The following FRAS1 variants were observed in gnomAD, a reference collection of about 807,000 sequenced individuals.
The protein encoded by FRAS1 is Fraser extracellular matrix complex subunit 1, also known as extracellular matrix organizing protein FRAS1.
Under a neutral mutation model 435.2 loss-of-function variants are expected in FRAS1, and 290 were observed. The observed-to-expected ratio is 0.67, with a 90% CI of 0.61 to 0.73. FRAS1 has a LOEUF of 0.73. FRAS1 is among the 30% of genes least tolerant of loss of function. The probability of loss-of-function intolerance (pLI) is 0.00; values close to 1 mark genes in which losing one functional copy is unlikely to be tolerated. For missense variants in FRAS1, 4,860 were observed against 5,001.5 expected (o/e 0.97, Z 0.85); for synonymous variants, 1,800 against 1,851.0 (o/e 0.97, Z 0.71).
chr4:78,101,082 A>T (rs1230780302), intron 2 of FRAS1, among the ~76,000 whole-genome samples: 1 of 151,750 alleles, frequency 6.6e-6, no homozygotes, highest in Non-Finnish European at 1.5e-5. Context: ...ACATGTATAC[A>T]CACCCCTTAA....
chr4:78,183,911 G>T (rs142934432), intron 2 of FRAS1, among the ~76,000 whole-genome samples: 10 of 152,228 alleles, frequency 6.6e-5, no homozygotes, highest in African/African-American at 1.9e-4. Context: ...TAGTGTTGGG[G>T]AAAGGGAAGT....
intron 20 of FRAS1, among the ~76,000 whole-genome samples, chr4:78,357,603 C>T (rs1730907283): frequency 6.6e-6 from 1 of 151,890 alleles, no homozygotes; most frequent in Admixed American, 6.6e-5. Context: ...TTCCAATGCA[C>T]ATTAAAGAAC....
intron 27 of FRAS1, among the ~76,000 whole-genome samples, 152 bp downstream of exon 27, chr4:78,380,148 G>A (rs1731957484): frequency 6.6e-6 from 1 of 152,182 alleles, no homozygotes; most frequent in South Asian, 2.1e-4. Context: ...TCAGCTGCCT[G>A]TCATCATTTC....
At chr4:78,319,689 A>G (rs1488577241) in intron 18 of FRAS1, 1 of 239,062 alleles carries the variant, frequency 4.2e-6, no homozygotes, top group Non-Finnish European at 8.5e-6. Flanking sequence ...TTGTTATAAT[A>G]TCTGAGTCTT....
chr4:78,152,599 G>T (rs1720713228), intron 2 of FRAS1, among the ~76,000 whole-genome samples: 2 of 125,976 alleles, frequency 1.6e-5, no homozygotes, highest in South Asian at 5.5e-4. Context: ...TTCATTTCAT[G>T]TAGGCTGCTT....
chr4:78,180,412 T>C (rs926645350), intron 2 of FRAS1, among the ~76,000 whole-genome samples: 4 of 152,242 alleles, frequency 2.6e-5, no homozygotes, highest in Non-Finnish European at 5.9e-5. Context: ...CAGTTGATCA[T>C]GTGTGAATAT....
chr4:78,369,752 C>A, intron 22 of FRAS1, 86 bp from the exon 23 acceptor site: 1 of 1,250,010 alleles, frequency 8.0e-7, no homozygotes, highest in Non-Finnish European at 1.1e-6. Flanking sequence ...AGGCTTTGTT[C>A]CTATGCAACA....
At chr4:78,518,439 TA>T (rs1721281868) in intron 66 of FRAS1, among the ~76,000 whole-genome samples, 3 of 121,454 alleles carry the variant, frequency 2.5e-5, no homozygotes, top group Admixed American at 8.0e-5. Flanking sequence ...TATATATATA[TA>T]TATATATATA....
chr4:78,422,043 G>A, intron 34 of FRAS1, 43 bp downstream of exon 34: 2 of 1,569,234 alleles, frequency 1.3e-6, no homozygotes, highest in Non-Finnish European at 1.7e-6. Context: ...ACTGCTCTCT[G>A]TGGCTCTACA....
intron 32 of FRAS1, among the ~76,000 whole-genome samples, chr4:78,414,024 C>G (rs922312797): frequency 2.0e-5 from 3 of 152,182 alleles, no homozygotes; most frequent in African/African-American, 7.2e-5. Flanking sequence ...AGTACTGTAT[C>G]AGCCTTGAGC....
At chr4:78,441,562 G>C (rs1246374430) in intron 41 of FRAS1, among the ~76,000 whole-genome samples, 1 of 152,166 alleles carries the variant, frequency 6.6e-6, no homozygotes, top group Non-Finnish European at 1.5e-5. Context: ...ATTCTGGTGG[G>C]GGGGTGAGAG....
At chr4:78,298,676 A>G (rs999847205) in intron 14 of FRAS1, among the ~76,000 whole-genome samples, 1 of 152,220 alleles carries the variant, frequency 6.6e-6, no homozygotes, top group Non-Finnish European at 1.5e-5. Flanking sequence ...TCTTAAGACT[A>G]TGACCTAGTG....
chr4:78,132,440 T>G (rs985507059), intron 2 of FRAS1, among the ~76,000 whole-genome samples: 10 of 152,224 alleles, frequency 6.6e-5, no homozygotes, highest in African/African-American at 1.9e-4. Flanking sequence ...AGCAATGCAG[T>G]GCTCATCATA....
intron 65 of FRAS1, among the ~76,000 whole-genome samples, chr4:78,514,213 C>G (rs1721135509): frequency 6.6e-6 from 1 of 152,240 alleles, no homozygotes; most frequent in African/African-American, 2.4e-5. Context: ...AGCTAAGTCA[C>G]TGGATGCAGG....
rs1732268338 is a variant in FRAS1, at chr4:78,387,592, T to C, written c.3866T>C (p.Leu1289Pro). ...CTGGATGAACTCTCTAGAGGCCTTC[T>C]CCACTATGCTCATGATGGTTCAGAC... ...FQLDELSRGL[L>P]HYAHDGSDST... Residue 1289 changes from leucine to proline, a missense_variant, in exon 29 of 74, where the codon CTC becomes CCC. Physicochemically the swap from Leu to Pro is moderately conservative, Grantham distance 98. Transcript: ENST00000512123. 6.2e-7 allele frequency: 1 copy of C among 1,613,794 alleles called. No homozygotes were observed. Among genetic ancestry groups the C allele is most frequent in the East Asian group, 2.2e-5 (1 of 44,868 alleles).
At chr4:78,519,116 G>T (rs76237393) in intron 66 of FRAS1, among the ~76,000 whole-genome samples, 3 of 152,114 alleles carry the variant, frequency 2.0e-5, no homozygotes, top group African/African-American at 7.2e-5. Context: ...GCCTCTGCAC[G>T]TGACCCTGTC....
chr4:78,301,265 AC>A (rs1728378205), intron 14 of FRAS1, among the ~76,000 whole-genome samples: 1 of 152,222 alleles, frequency 6.6e-6, no homozygotes, highest in African/African-American at 2.4e-5. Context: ...GGATGTATTA[AC>A]AAAAGCATAG....
At position 78,445,476 on chromosome 4, in the gene FRAS1, G is replaced by A. The variant is rs140203304; in HGVS notation, c.5666-46G>A. 1,077 of 1,486,304 alleles carry A rather than the reference G, an allele frequency of 7.2e-4. 8 individuals are homozygous for A. The Middle Eastern group carries it at 0.013, about 18-fold the overall frequency. 92.1% of individuals were successfully genotyped at this position (1,486,304 alleles called of 1,614,324 possible). ...GTTTTCTAGTTCAGCCTAGTAAGCA[G>A]GAATTGATAGATCAAGGTAAAAATG... On this transcript the variant is annotated intron_variant, in intron 41 of 73. Transcript: ENST00000512123.
chr4:78,391,593 A>T (rs1390939149), intron 29 of FRAS1, among the ~76,000 whole-genome samples: 7 of 152,170 alleles, frequency 4.6e-5, no homozygotes, highest in Admixed American at 4.6e-4. Context: ...TCTGGAAATC[A>T]TGCCTTTTTT....
Sources: gnomAD v4.1 joint callset for allele counts (sites outside exome capture counted in the v4.1 genomes callset) on GRCh38, gnomAD v4.1.1 for gene constraint, MANE v1.5 for transcripts, NCBI Gene and HGNC (gene_info 2026-07-23, HGNC 2026-07-21) for gene names.